MPP7: variants seen among roughly 807,000 people sequenced by gnomAD.
MPP7 encodes the protein MAGUK p55 scaffold protein 7.
A neutral mutation model predicts 76.5 loss-of-function variants in MPP7; 60 were observed. That is an observed-to-expected ratio of 0.78 (90% CI 0.64 to 0.97). The LOEUF is 0.97. Among genes scored for constraint, MPP7 ranks in the 50% least tolerant of loss-of-function variants. The probability of loss-of-function intolerance (pLI) is 0.00; values close to 1 mark genes in which losing one functional copy is unlikely to be tolerated. For synonymous variants in MPP7, 237 were observed against 244.5 expected (o/e 0.97, Z 0.29); for missense variants, 641 against 694.0 (o/e 0.92, Z 0.86).
At chr10:28,095,222 T>TATAC (rs775763967) in intron 11 of MPP7, among the ~76,000 whole-genome samples, 13 of 136,670 alleles carry the variant, frequency 9.5e-5, no homozygotes, top group Admixed American at 4.5e-4. Context: ...TATATATATA[T>TATAC]ACAGAAACAT....
At chr10:28,088,571 G>T (rs1311306288) in intron 12 of MPP7, among the ~76,000 whole-genome samples, 2 of 152,124 alleles carry the variant, frequency 1.3e-5, no homozygotes, top group Non-Finnish European at 2.9e-5. Flanking sequence ...CTGTGGAACT[G>T]TGAGTCAATT....
At chr10:28,268,154 A>G (rs1241105025) in intron 1 of MPP7, among the ~76,000 whole-genome samples, 5 of 147,970 alleles carry the variant, frequency 3.4e-5, no homozygotes, top group South Asian at 2.2e-4. Context: ...TAGAAGGTGA[A>G]GTTTCTCTAA....
At chr10:28,065,202 T>C (rs1456937678) in intron 13 of MPP7, among the ~76,000 whole-genome samples, 1 of 152,182 alleles carries the variant, frequency 6.6e-6, no homozygotes, top group Non-Finnish European at 1.5e-5. Context: ...GACACTTTGG[T>C]TGAAAATCTG....
In MPP7 at chr10:28,052,369, A is replaced by G. The variant is rs1434108025; in HGVS notation, c.*1696T>C. 6.6e-6 allele frequency: 1 copy of G among 152,170 alleles called. No individual in the cohort carries two copies. Among genetic ancestry groups the G allele is most frequent in the Non-Finnish European group, 1.5e-5 (1 of 67,966 alleles). 9.4% of individuals were successfully genotyped at this position (152,170 alleles called of 1,614,324 possible). ...TTTTTGCTATTTAATTAATACACTTAGAACTCACTGTCTGGATCACGTTGT... is the reference window on the plus strand; with the variant it reads ...TTTTTGCTATTTAATTAATACACTTGGAACTCACTGTCTGGATCACGTTGT... On this transcript the variant is annotated 3_prime_UTR_variant, in exon 17 of 17. Coordinates refer to ENST00000683449, the MANE Select transcript of MPP7 (RefSeq NM_001318170.2).
At chr10:28,280,764 C>G (rs931903282) in intron 1 of MPP7, among the ~76,000 whole-genome samples, 1 of 151,602 alleles carries the variant, frequency 6.6e-6, no homozygotes, top group African/African-American at 2.4e-5. Flanking sequence ...ATCTCAGACC[C>G]TGGGAAAGCG....
chr10:28,141,151 T>A (rs1285644205), intron 5 of MPP7, among the ~76,000 whole-genome samples: 1 of 152,074 alleles, frequency 6.6e-6, no homozygotes, highest in African/African-American at 2.4e-5. Context: ...TATGATCACT[T>A]TGATAAGTAC....
At chr10:28,182,806 A>T (rs759538807) in intron 3 of MPP7, among the ~76,000 whole-genome samples, 15 of 152,246 alleles carry the variant, frequency 9.9e-5, no homozygotes, top group Admixed American at 6.5e-5. Flanking sequence ...AGCCGGGTGC[A>T]GTGGCTCACG....
In MPP7 at chr10:28,186,647, T is replaced by C. The variant is rs1837247267; in HGVS notation, c.156+15506A>G. ...GCACTGCCCAACACCTTTGTGGCAATAGGACGTGAAGTGCCACCTGTCATG... is the reference window on the plus strand; with the variant it reads ...GCACTGCCCAACACCTTTGTGGCAACAGGACGTGAAGTGCCACCTGTCATG... On this transcript the variant is annotated intron_variant, in intron 3 of 16. Coordinates refer to ENST00000683449, the MANE Select transcript of MPP7 (RefSeq NM_001318170.2). Among the ~76,000 whole-genome samples the C allele has an allele frequency of 2.0e-5, 3 of 152,196 alleles. No homozygotes were observed. The South Asian group carries it at 6.2e-4, about 31-fold the overall frequency.
chr10:28,284,518 C>T (rs1474277373), intron 1 of MPP7, among the ~76,000 whole-genome samples: 4 of 152,164 alleles, frequency 2.6e-5, no homozygotes, highest in African/African-American at 9.7e-5. Context: ...TCCTCTCACC[C>T]TAATTCCAAT....
intron 11 of MPP7, among the ~76,000 whole-genome samples, chr10:28,113,990 A>G (rs1207969768): frequency 1.3e-5 from 2 of 152,186 alleles, no homozygotes; most frequent in African/African-American, 4.8e-5. Flanking sequence ...TCCTGCCAGG[A>G]GTGGCCAGGG....
chr10:28,299,766 C>CTTT (rs59047415), intron 1 of MPP7, among the ~76,000 whole-genome samples: 1 of 132,730 alleles, frequency 7.5e-6, no homozygotes, highest in Non-Finnish European at 1.6e-5. Flanking sequence ...AAATTCAAGA[C>CTTT]TTTTTTTTTT....
chr10:28,258,312 A>G (rs912343143), intron 1 of MPP7, among the ~76,000 whole-genome samples: 1 of 150,154 alleles, frequency 6.7e-6, no homozygotes, highest in Non-Finnish European at 1.5e-5. Flanking sequence ...CAGTTTGCCT[A>G]TATATACTAC....
intron 2 of MPP7, among the ~76,000 whole-genome samples, chr10:28,225,856 C>G (rs1248672789): frequency 6.6e-6 from 1 of 152,012 alleles, no homozygotes; most frequent in East Asian, 1.9e-4. Context: ...TTTTTTAAAC[C>G]CAGTGACTTG....
At chr10:28,266,292 A>G (rs1564744540) in intron 1 of MPP7, among the ~76,000 whole-genome samples, 1 of 152,128 alleles carries the variant, frequency 6.6e-6, no homozygotes, top group Non-Finnish European at 1.5e-5. Context: ...AGGTTCAACA[A>G]TTTACCCAAG....
At chr10:28,176,103 G>A (rs1368748233) in intron 3 of MPP7, among the ~76,000 whole-genome samples, 1 of 152,104 alleles carries the variant, frequency 6.6e-6, no homozygotes, top group Non-Finnish European at 1.5e-5. Context: ...CAGGGTAAAG[G>A]AATTCCTATT....
intron 2 of MPP7, among the ~76,000 whole-genome samples, chr10:28,234,160 T>C (rs1838990245): frequency 6.6e-6 from 1 of 152,130 alleles, no homozygotes; most frequent in African/African-American, 2.4e-5. Flanking sequence ...GAGCCAAGAA[T>C]ATTTGTAGTA....
At position 28,124,995 on chromosome 10, in the gene MPP7, C is replaced by G. The variant is rs368352844; in HGVS notation, c.529+15G>C. ...ACGTGATTAGTCTGTACTTGGTTAA[C>G]ATTTAAAGTCTCACCACTTCTATCT... On this transcript the variant is annotated intron_variant, in intron 7 of 16. Transcript: ENST00000683449. 7 of 1,609,008 alleles carry G rather than the reference C, an allele frequency of 4.4e-6. No individual in the cohort carries two copies. The highest frequency in any genetic ancestry group is 1.3e-5 in the African/African-American group (1 of 74,804).
At position 28,124,064 on chromosome 10, in the gene MPP7, C is replaced by T. The variant is rs1479338736; in HGVS notation, c.582G>A (p.Glu194=). 1 of 1,612,244 alleles carries T rather than the reference C, an allele frequency of 6.2e-7. No individual in the cohort carries two copies. The highest frequency in any genetic ancestry group is 1.7e-5 in the Admixed American group (1 of 60,012). Residue 194 remains glutamate, a synonymous_variant, in exon 8 of 17, where the codon GAG becomes GAA. Transcript: ENST00000683449. The part of the protein sequence containing the change: ...ELREVNGIPV[E]DKRPEEIIQI... ...GTATTATTTCCTCAGGCCTTTTATCCTCCACTGGTATCCCGTTGACTTCCC... is the reference window on the plus strand; with the variant it reads ...GTATTATTTCCTCAGGCCTTTTATCTTCCACTGGTATCCCGTTGACTTCCC...
intron 1 of MPP7, among the ~76,000 whole-genome samples, chr10:28,289,866 T>A (rs1280048079): frequency 6.6e-6 from 1 of 152,224 alleles, no homozygotes; most frequent in African/African-American, 2.4e-5. Flanking sequence ...TCACCCAGGC[T>A]GGAGTACAGT....
Sources: gnomAD v4.1 joint callset for allele counts (sites outside exome capture counted in the v4.1 genomes callset) on GRCh38, gnomAD v4.1.1 for gene constraint, MANE v1.5 for transcripts, NCBI Gene and HGNC (gene_info 2026-07-23, HGNC 2026-07-21) for gene names.